Variants in MUSK observed in about 807,000 individuals in gnomAD.
The protein encoded by MUSK is muscle, skeletal receptor tyrosine-protein kinase.
MUSK carries 55 observed loss-of-function variants against 88.7 expected under a neutral mutation model. That is an observed-to-expected ratio of 0.62 (90% confidence interval 0.50 to 0.78). The LOEUF (loss-of-function observed/expected upper bound fraction) is 0.78, where lower values mean the gene tolerates loss of function less well. Among genes scored for constraint, MUSK ranks in the 30% least tolerant of loss-of-function variants. MUSK has a pLI of 0.00. For synonymous variants in MUSK, 387 were observed against 391.9 expected, an observed-to-expected ratio of 0.99 and a Z score of 0.15; for missense variants, 1,015 against 1,074.3, an observed-to-expected ratio of 0.94 and a Z score of 0.77.
rs1463870264 is a variant in MUSK at position 110,802,914 on chromosome 9, C to T, written c.*1926C>T. On this transcript the variant is annotated 3_prime_UTR_variant, in exon 15 of 15. Coordinates refer to ENST00000374448, the MANE Select transcript of MUSK (RefSeq NM_005592.4). Reference sequence around the variant, plus strand: ...CATGAGTCTAAGTCCAAAATTGATACTGTAATCCAAATGACTGAATAAAGA... The same window carrying T: ...CATGAGTCTAAGTCCAAAATTGATATTGTAATCCAAATGACTGAATAAAGA... Among the ~76,000 whole-genome samples, 2 of 152,178 alleles carry T rather than the reference C, an allele frequency of 1.3e-5. No individual in the cohort carries two copies. The highest frequency in any genetic ancestry group is 4.8e-5 in the African/African-American group (2 of 41,430).
At chr9:110,694,058 G>T (rs2076393476) in intron 3 of MUSK, among the ~76,000 whole-genome samples, 1 of 151,750 alleles carries the variant, frequency 6.6e-6, no homozygotes, top group South Asian at 2.1e-4. Context: ...ACACAGGGCC[G>T]CAGGAACTCT....
chr9:110,751,658 T>A (rs991996647), intron 7 of MUSK, among the ~76,000 whole-genome samples: 2 of 151,462 alleles, frequency 1.3e-5, no homozygotes, highest in African/African-American at 4.9e-5. Flanking sequence ...AGCTTTAGAG[T>A]GGGGAGAAGT....
intron 8 of MUSK, among the ~76,000 whole-genome samples, chr9:110,765,319 C>T (rs1323341325): frequency 2.0e-5 from 3 of 151,988 alleles, no homozygotes; most frequent in Middle Eastern, 3.2e-3. Context: ...CCCTTTATGC[C>T]GAGATATTAC....
chr9:110,767,958 C>T lies in MUSK; in HGVS notation c.1059C>T (p.His353=). The T allele has an allele frequency of 6.2e-7, 1 of 1,613,998 alleles. No homozygotes were observed. The highest frequency in any genetic ancestry group is 1.1e-5 in the South Asian group (1 of 91,072). The change falls in exon 9 of 15, where the codon CAC becomes CAT. Residue 353 remains histidine (H), a synonymous_variant. Coordinates refer to ENST00000374448, the MANE Select transcript of MUSK (RefSeq NM_005592.4). The stretch of plus-strand genomic sequence containing the variant: ...AGGAGGCCCAAGAGCTACTGGTCCA[C>T]ACGGCCTGGAATGAACTGAAAGTAG... ...DPEEAQELLV[H]TAWNELKVVS...
At chr9:110,720,829 GC>G (rs1176968206) in intron 5 of MUSK, among the ~76,000 whole-genome samples, 1 of 152,052 alleles carries the variant, frequency 6.6e-6, no homozygotes, top group African/African-American at 2.4e-5. Context: ...GAACACAGAT[GC>G]AAAAATTCTC....
At chr9:110,681,594 G>A (rs1177023466) in intron 1 of MUSK, among the ~76,000 whole-genome samples, 1 of 151,966 alleles carries the variant, frequency 6.6e-6, no homozygotes, top group African/African-American at 2.4e-5. Flanking sequence ...CAGGGGAAGT[G>A]GAAGGAGATG....
chr9:110,778,000 T>C (rs2131995673), intron 11 of MUSK, among the ~76,000 whole-genome samples: 1 of 152,220 alleles, frequency 6.6e-6, no homozygotes, highest in African/African-American at 2.4e-5. Flanking sequence ...AGGTCAATAG[T>C]GGAGCAAAGA....
intron 1 of MUSK, among the ~76,000 whole-genome samples, chr9:110,673,834 G>A (rs1412980121): frequency 6.6e-6 from 1 of 152,138 alleles, no homozygotes. Context: ...AATACATAAA[G>A]TTTAAGACAG....
chr9:110,725,904 G>T (rs955721734), intron 5 of MUSK, among the ~76,000 whole-genome samples: 2 of 151,968 alleles, frequency 1.3e-5, no homozygotes, highest in African/African-American at 4.8e-5. Flanking sequence ...AAGTTCAGAA[G>T]TCAAGAGTGA....
intron 6 of MUSK, among the ~76,000 whole-genome samples, chr9:110,734,638 T>C (rs758200906): frequency 2.6e-5 from 4 of 152,142 alleles, no homozygotes; most frequent in Non-Finnish European, 4.4e-5. Context: ...GTGGTAATAA[T>C]ATCTTCCCAT....
intron 5 of MUSK, among the ~76,000 whole-genome samples, chr9:110,723,885 C>G (rs2076849329): frequency 6.6e-6 from 1 of 152,020 alleles, no homozygotes; most frequent in African/African-American, 2.4e-5. Context: ...CTCTGCTCTT[C>G]CTTCTCTTCT....
chr9:110,801,143 G>T lies in MUSK; in HGVS notation c.*155G>T, dbSNP rs2078092940. On this transcript the variant is annotated 3_prime_UTR_variant, in exon 15 of 15. Transcript: ENST00000374448. ...GCTTCCCAGGGAGAGCAAAGACAGT[G>T]CAAAACCCATGTGGTAGACGGACCC... The T allele has an allele frequency of 1.6e-6, 1 of 609,946 alleles. No individual in the cohort carries two copies. Among genetic ancestry groups the T allele is most frequent in the Non-Finnish European group, 2.6e-6 (1 of 389,116 alleles). The allele number at this position is 609,946 out of a possible 1,614,324, so 37.8% of individuals were successfully genotyped here.
Position 110,753,728 on chromosome 9 carries a change from A to G in MUSK, c.913+5928A>G, listed in dbSNP as rs1330196109. Among the ~76,000 whole-genome samples the G allele has an allele frequency of 2.0e-5, 3 of 152,194 alleles. No individual in the cohort carries two copies. The East Asian group carries it at 5.8e-4, about 29-fold the overall frequency. ...CACTAAATTTAAAAGTCACATGAAT[A>G]CAAGTAGTATCAAAACTGAGCAGGA... On this transcript the variant is annotated intron_variant, in intron 7 of 14. Transcript: ENST00000374448.
At chr9:110,761,846 T>C (rs1429475090) in intron 7 of MUSK, 7 of 899,704 alleles carry the variant, frequency 7.8e-6, no homozygotes, top group Non-Finnish European at 9.3e-6. Context: ...AGTGCTGGGA[T>C]TACAGGCGTG....
At chr9:110,674,208 G>T (rs557571721) in intron 1 of MUSK, among the ~76,000 whole-genome samples, 2 of 152,266 alleles carry the variant, frequency 1.3e-5, no homozygotes, top group African/African-American at 4.8e-5. Context: ...TTGGGAAATA[G>T]CATGTGTAGT....
At chr9:110,722,708 A>AG (rs1319135601) in intron 5 of MUSK, among the ~76,000 whole-genome samples, 2 of 151,998 alleles carry the variant, frequency 1.3e-5, no homozygotes, top group Non-Finnish European at 2.9e-5. Flanking sequence ...GAAAAAAAAA[A>AG]TCCCATCAAA....
intron 5 of MUSK, chr9:110,728,778 T>C: frequency 7.1e-7 from 1 of 1,415,628 alleles, no homozygotes; most frequent in East Asian, 2.4e-5. Flanking sequence ...CAATTGTTTA[T>C]TTTTGTTGAC....
At chr9:110,766,619 G>C (rs1358872349) in intron 8 of MUSK, among the ~76,000 whole-genome samples, 3 of 152,056 alleles carry the variant, frequency 2.0e-5, no homozygotes. Context: ...TGCCAGTGGT[G>C]GTTTGTAATT....
intron 6 of MUSK, among the ~76,000 whole-genome samples, chr9:110,739,738 C>T (rs1054003407): frequency 4.6e-5 from 7 of 152,070 alleles, no homozygotes; most frequent in South Asian, 2.1e-4. Flanking sequence ...TATAACTCTC[C>T]GGGTGGTCCC....
Sources: gnomAD v4.1 joint callset for allele counts (sites outside exome capture counted in the v4.1 genomes callset) on GRCh38, gnomAD v4.1.1 for gene constraint, MANE v1.5 for transcripts, NCBI Gene and HGNC (gene_info 2026-07-23, HGNC 2026-07-21) for gene names.